TBC1D31: variants seen among roughly 807,000 people sequenced by gnomAD.
TBC1D31 encodes the protein TBC1 domain family member 31.
In TBC1D31, 99 loss-of-function variants were observed where a neutral mutation model predicts 132.9. The observed-to-expected ratio is 0.74, with a 90% confidence interval of 0.63 to 0.88. The LOEUF is 0.88. TBC1D31 is among the 40% of genes least tolerant of loss of function. The pLI, the probability that TBC1D31 is intolerant of heterozygous loss-of-function variation, is 0.00. For missense variants in TBC1D31, 1,134 were observed against 1,256.6 expected (o/e 0.90, Z 1.48); for synonymous variants, 385 against 419.4 (o/e 0.92, Z 1.00).
intron 16 of TBC1D31, among the ~76,000 whole-genome samples, chr8:123,130,546 G>A (rs1185688181): frequency 1.3e-5 from 2 of 151,872 alleles, no homozygotes; most frequent in Non-Finnish European, 2.9e-5. Flanking sequence ...AATTAGTCAA[G>A]TGTCCTTGGT....
chr8:123,077,151 C>A lies in TBC1D31; in HGVS notation c.118C>A (p.Pro40Thr). The A allele has an allele frequency of 6.2e-7, 1 of 1,612,258 alleles. No homozygotes were observed. Among genetic ancestry groups the A allele is most frequent in the Non-Finnish European group, 8.5e-7 (1 of 1,179,304 alleles). The change falls in exon 2 of 22, where the codon CCA becomes ACA. Residue 40 changes from proline to threonine, a missense_variant. Physicochemically the swap from Pro to Thr is conservative, Grantham distance 38. Transcript: ENST00000287380. Reference sequence around the variant, plus strand: ...TATTCACAACACTTCCGATTACCATCCAAAAGTTTTGCGATTTTTGAATGT... The same window carrying A: ...TATTCACAACACTTCCGATTACCATACAAAAGTTTTGCGATTTTTGAATGT... ...NIIHNTSDYH[P>T]KVLRFLNVAF...
At chr8:123,094,543 A>C (rs1816667521) in intron 5 of TBC1D31, among the ~76,000 whole-genome samples, 1 of 149,264 alleles carries the variant, frequency 6.7e-6, no homozygotes, top group Non-Finnish European at 1.5e-5. Context: ...TTATTTATTT[A>C]TTTATTTATT....
intron 2 of TBC1D31, among the ~76,000 whole-genome samples, chr8:123,078,093 T>G (rs944915809): frequency 2.6e-4 from 40 of 152,170 alleles, no homozygotes; most frequent in Admixed American, 6.5e-4. Flanking sequence ...TCCTCTTCTC[T>G]TCCCTTGTGA....
intron 8 of TBC1D31, among the ~76,000 whole-genome samples, chr8:123,107,060 C>T (rs1299756221): frequency 6.6e-6 from 1 of 152,182 alleles, no homozygotes; most frequent in Non-Finnish European, 1.5e-5. Context: ...TGTAGGTACC[C>T]TGTTTTAACA....
At chr8:123,104,659 A>G (rs1817750900) in intron 7 of TBC1D31, among the ~76,000 whole-genome samples, 2 of 152,190 alleles carry the variant, frequency 1.3e-5, no homozygotes, top group Non-Finnish European at 2.9e-5. Flanking sequence ...TGTTACTTTA[A>G]GTAAATTGAA....
chr8:123,100,303 G>A (rs1042422121), intron 6 of TBC1D31, among the ~76,000 whole-genome samples: 1 of 152,104 alleles, frequency 6.6e-6, no homozygotes, highest in African/African-American at 2.4e-5. Context: ...CAGGTGCAGT[G>A]GCTCATGCCT....
At chr8:123,078,636 G>A (rs921587979) in intron 2 of TBC1D31, among the ~76,000 whole-genome samples, 2 of 152,164 alleles carry the variant, frequency 1.3e-5, no homozygotes, top group Non-Finnish European at 2.9e-5. Flanking sequence ...TACAGGATGA[G>A]CCTGTAACAT....
intron 20 of TBC1D31, among the ~76,000 whole-genome samples, chr8:123,148,641 C>T (rs925295826): frequency 1.3e-5 from 2 of 152,262 alleles, no homozygotes; most frequent in Admixed American, 1.3e-4. Context: ...GCAAATGTAG[C>T]AGTGGCCAGC....
chr8:123,162,624 A>G, the TBC1D31 span, among the ~76,000 whole-genome samples: 1 of 152,180 alleles, frequency 6.6e-6, no homozygotes, highest in Admixed American at 6.5e-5. Flanking sequence ...TTCCAGTGCC[A>G]CCGCCGGGGA....
At chr8:123,156,445 A>G (rs988183050), downstream of TBC1D31, among the ~76,000 whole-genome samples, 1 of 151,388 alleles carries the variant, frequency 6.6e-6, no homozygotes, top group African/African-American at 2.4e-5. Context: ...TGTCTCAAAA[A>G]AAAAAAAAAA....
downstream of TBC1D31, among the ~76,000 whole-genome samples, chr8:123,152,715 A>G (rs544039236): frequency 5.9e-5 from 9 of 152,258 alleles, no homozygotes; most frequent in South Asian, 1.7e-3. Context: ...TACTAAAAAT[A>G]GAAAAATTAG....
chr8:123,148,832 C>T (rs778229253), intron 20 of TBC1D31, among the ~76,000 whole-genome samples: 6 of 152,084 alleles, frequency 3.9e-5, no homozygotes, highest in Middle Eastern at 3.2e-3. Flanking sequence ...GTCAGGAGTT[C>T]GACCTGGCCG....
chr8:123,120,310 T>A (rs1240355879), intron 11 of TBC1D31, 122 bp downstream of exon 11: 3 of 757,786 alleles, frequency 4.0e-6, no homozygotes, highest in Non-Finnish European at 4.0e-6. Context: ...CACGAAAGTG[T>A]GAAACAATAA....
chr8:123,130,489 C>G (rs1033634573), intron 16 of TBC1D31, among the ~76,000 whole-genome samples, 156 bp downstream of exon 16: 2 of 152,094 alleles, frequency 1.3e-5, no homozygotes, highest in African/African-American at 4.8e-5. Flanking sequence ...CTTTCTCATT[C>G]TCTTTTGTAT....
intron 5 of TBC1D31, among the ~76,000 whole-genome samples, chr8:123,096,793 A>G (rs12545493): frequency 0.17 from 26,159 of 152,154 alleles, 2,338 homozygotes; most frequent in South Asian, 0.22. Flanking sequence ...AAAACAACTT[A>G]CTCTTTTTGT....
chr8:123,159,789 T>C, the TBC1D31 span, among the ~76,000 whole-genome samples: 260 of 53,900 alleles, frequency 4.8e-3, no homozygotes, highest in African/African-American at 0.036. Context: ...CGAAACTCCG[T>C]CTCAAAAAAA....
rs757256782 is a variant in TBC1D31, at chr8:123,105,362, A to T, written c.1107A>T (p.Lys369Asn). 1.7e-5 allele frequency: 27 copies of T among 1,611,720 alleles called. 2 individuals are homozygous for T. In the South Asian group the frequency reaches 3.0e-4, roughly 18 times the overall value. The change falls in exon 8 of 22, where the codon AAA (lysine) becomes AAT (asparagine). Residue 369 changes from lysine to asparagine, a missense_variant. Transcript: ENST00000287380. ...TGAGTTCCAGTGATCTTAAGATGAA[A>T]GTAACATCAGGGAGAGTACAGCAGC... ...NKLSSSDLKM[K>N]VTSGRVQQPA...
chr8:123,148,413 T>C (rs1369421221), intron 20 of TBC1D31, among the ~76,000 whole-genome samples: 2 of 151,906 alleles, frequency 1.3e-5, no homozygotes, highest in East Asian at 1.9e-4. Flanking sequence ...AGTGGGCAGG[T>C]TGAATTTTGG....
At chr8:123,109,219 T>C (rs1818234515) in intron 8 of TBC1D31, 98 bp from the exon 9 acceptor site, 8 of 811,918 alleles carry the variant, frequency 9.9e-6, no homozygotes, top group Non-Finnish European at 1.6e-5. Flanking sequence ...TATGTGTTGT[T>C]TTCTAAAGTT....
Sources: allele counts gnomAD v4.1 joint callset (sites outside exome capture counted in the v4.1 genomes callset), GRCh38; gene constraint gnomAD v4.1.1; transcripts MANE v1.5; gene names NCBI Gene and HGNC (gene_info 2026-07-23, HGNC 2026-07-21).